The following NALF1 variants were observed in gnomAD, a reference collection of about 807,000 sequenced individuals.
NALF1 encodes the protein family with sequence similarity 155 member A.
A neutral mutation model predicts 48.4 loss-of-function variants in NALF1; 3 were observed. The observed-to-expected ratio is 0.06, with a 90% CI of 0.03 to 0.16. The LOEUF is 0.16. Ranked by LOEUF, NALF1 falls within the 10% of genes least tolerant of loss-of-function variation. The pLI, the probability that NALF1 is intolerant of heterozygous loss-of-function variation, is 1.00. For synonymous variants in NALF1, 262 were observed against 245.7 expected (o/e 1.07, Z -0.62); for missense variants, 526 against 571.5 (o/e 0.92, Z 0.81).
At chr13:107,503,469 G>C (rs1411105611) in intron 1 of NALF1, among the ~76,000 whole-genome samples, 1 of 152,056 alleles carries the variant, frequency 6.6e-6, no homozygotes, top group Non-Finnish European at 1.5e-5. Flanking sequence ...TGCAAGGTGT[G>C]GCAGAAAGGG....
chr13:107,201,356 C>A (rs1879514047), intron 2 of NALF1, among the ~76,000 whole-genome samples: 2 of 152,200 alleles, frequency 1.3e-5, no homozygotes, highest in Non-Finnish European at 2.9e-5. Context: ...GTGGGCAGAT[C>A]ACGAGGTCAG....
At chr13:107,175,998 G>A (rs754377748) in intron 2 of NALF1, among the ~76,000 whole-genome samples, 2 of 152,080 alleles carry the variant, frequency 1.3e-5, no homozygotes, top group Non-Finnish European at 2.9e-5. Flanking sequence ...TAGGTAGCAT[G>A]CCTGAGAGTT....
At chr13:107,693,328 T>TGGGGGGGGGGGGGGGGGG (rs1566446153) in intron 1 of NALF1, among the ~76,000 whole-genome samples, 1 of 55,980 alleles carries the variant, frequency 1.8e-5, no homozygotes. Context: ...TGTCGTAGGG[T>TGGGGGGGGGGGGGGGGGG]AGGGGGGGCG....
Position 107,163,677 on chromosome 13 carries a change from A to T in NALF1, c.*6820T>A, listed in dbSNP as rs1298460164. The T allele has an allele frequency of 6.6e-6, 1 of 152,178 alleles. No homozygotes were observed. The highest frequency in any genetic ancestry group is 2.4e-5 in the African/African-American group (1 of 41,454). The allele number at this position is 152,178 out of a possible 1,614,324, so 9.4% of individuals were successfully genotyped here. A position where few individuals can be genotyped will look rare whatever the true frequency, so the allele number is the denominator to read the frequency against. On this transcript the variant is annotated 3_prime_UTR_variant, in exon 3 of 3. Transcript: ENST00000375915. Reference sequence around the variant, plus strand: ...GTTTTAGTACTTTTATTCCGTGTTCATATTCACATAAAAAAGTACTTGAGT... The same window carrying T: ...GTTTTAGTACTTTTATTCCGTGTTCTTATTCACATAAAAAAGTACTTGAGT...
At chr13:107,596,375 C>T (rs544076071) in intron 1 of NALF1, among the ~76,000 whole-genome samples, 4 of 152,226 alleles carry the variant, frequency 2.6e-5, no homozygotes, top group Non-Finnish European at 4.4e-5. Context: ...CGCACACATA[C>T]GTGTATTGCA....
intron 1 of NALF1, among the ~76,000 whole-genome samples, chr13:107,672,129 A>G (rs1190801124): frequency 6.6e-6 from 1 of 152,124 alleles, no homozygotes; most frequent in Non-Finnish European, 1.5e-5. Flanking sequence ...GCAGGTATTC[A>G]TCAATTAACA....
At chr13:107,496,286 G>A (rs1211167502) in intron 1 of NALF1, among the ~76,000 whole-genome samples, 1 of 152,164 alleles carries the variant, frequency 6.6e-6, no homozygotes, top group Non-Finnish European at 1.5e-5. Context: ...TAGATGCAAA[G>A]GACCTGAATG....
chr13:107,732,324 A>C (rs1299749516), intron 1 of NALF1, among the ~76,000 whole-genome samples: 1 of 152,148 alleles, frequency 6.6e-6, no homozygotes, highest in Non-Finnish European at 1.5e-5. Context: ...ATACATACAC[A>C]TATATGGTTT....
intron 1 of NALF1, among the ~76,000 whole-genome samples, chr13:107,719,311 C>T (rs1367964491): frequency 6.6e-6 from 1 of 152,182 alleles, no homozygotes; most frequent in Non-Finnish European, 1.5e-5. Context: ...GAAATATTCT[C>T]TTAGCTGTCT....
intron 1 of NALF1, among the ~76,000 whole-genome samples, chr13:107,378,360 A>T (rs1410913124): frequency 1.3e-5 from 2 of 151,566 alleles, no homozygotes; most frequent in Non-Finnish European, 1.5e-5. Context: ...TTACAATGTA[A>T]TTGATTTTTA....
intron 1 of NALF1, among the ~76,000 whole-genome samples, chr13:107,332,781 G>C (rs778705697): frequency 7.2e-5 from 11 of 152,090 alleles, no homozygotes; most frequent in Non-Finnish European, 1.6e-4. Context: ...AAGGTCCCAC[G>C]AACCTTTGTT....
intron 1 of NALF1, among the ~76,000 whole-genome samples, chr13:107,656,739 C>CA (rs1278432466): frequency 6.6e-6 from 1 of 151,968 alleles, no homozygotes; most frequent in African/African-American, 2.4e-5. Flanking sequence ...TTTGCAATTG[C>CA]AAAAATATAG....
chr13:107,333,938 G>C (rs1241424954), intron 1 of NALF1, among the ~76,000 whole-genome samples: 2 of 152,132 alleles, frequency 1.3e-5, no homozygotes, highest in Non-Finnish European at 2.9e-5. Context: ...CAGAGAAAAG[G>C]ATATATCTTT....
chr13:107,829,144 A>C (rs147156014), intron 1 of NALF1, among the ~76,000 whole-genome samples: 7 of 152,344 alleles, frequency 4.6e-5, no homozygotes, highest in Non-Finnish European at 7.3e-5. Flanking sequence ...AATACCAGAG[A>C]GATCACCCAT....
chr13:107,597,778 T>TA (rs1219392194), intron 1 of NALF1, among the ~76,000 whole-genome samples: 1 of 152,154 alleles, frequency 6.6e-6, no homozygotes, highest in Non-Finnish European at 1.5e-5. Flanking sequence ...ATAATTATTT[T>TA]AAAAATCAAT....
intron 1 of NALF1, among the ~76,000 whole-genome samples, chr13:107,857,020 A>G (rs1421612984): frequency 2.6e-5 from 4 of 152,220 alleles, no homozygotes; most frequent in African/African-American, 7.2e-5. Flanking sequence ...AGCATTGGAT[A>G]GTAAGACTTC....
intron 1 of NALF1, among the ~76,000 whole-genome samples, chr13:107,783,485 G>A (rs1186156951): frequency 6.6e-6 from 1 of 152,160 alleles, no homozygotes; most frequent in Non-Finnish European, 1.5e-5. Flanking sequence ...GAAAGAAGTA[G>A]ACATGGGAGA....
Position 107,362,116 on chromosome 13 carries a change from C to A in NALF1, c.916-151361G>T, listed in dbSNP as rs1464568165. Reference sequence around the variant, plus strand: ...GGAATTCAACTCTTATTTTCTTAAGCTACTGAAATTTGGGGGCTGGTTGTT... The same window carrying A: ...GGAATTCAACTCTTATTTTCTTAAGATACTGAAATTTGGGGGCTGGTTGTT... On this transcript the variant is annotated intron_variant, in intron 1 of 2. Transcript: ENST00000375915. This position sits in a 1 kb window ranked among gnomAD's most constrained non-coding sequence, Gnocchi z 4.6. Among the ~76,000 whole-genome samples the A allele has an allele frequency of 6.6e-6, 1 of 152,120 alleles. No homozygotes were observed. Among genetic ancestry groups the A allele is most frequent in the Non-Finnish European group, 1.5e-5 (1 of 68,006 alleles).
At chr13:107,380,389 A>G (rs1258985275) in intron 1 of NALF1, among the ~76,000 whole-genome samples, 2 of 152,190 alleles carry the variant, frequency 1.3e-5, no homozygotes, top group East Asian at 1.9e-4. Flanking sequence ...AAACTCTTGT[A>G]TAAGGACAGA....
Sources: gnomAD v4.1 joint callset for allele counts (sites outside exome capture counted in the v4.1 genomes callset) on GRCh38, gnomAD v4.1.1 for gene constraint, Gnocchi (gnomAD v3.1) non-coding constraint, MANE v1.5 for transcripts, NCBI Gene and HGNC (gene_info 2026-07-23, HGNC 2026-07-21) for gene names.